Variants in DOCK3 observed in about 807,000 individuals in gnomAD.
DOCK3 encodes dedicator of cytokinesis 3, also known as dedicator of cytokinesis protein 3.
In DOCK3, 60 loss-of-function variants were observed where a neutral mutation model predicts 265.6. The observed-to-expected ratio is 0.23, with a 90% CI of 0.18 to 0.28. DOCK3 has a LOEUF of 0.28. DOCK3 is among the 10% of genes least tolerant of loss of function. The pLI, the probability that DOCK3 is intolerant of heterozygous loss-of-function variation, is 1.00. For missense variants in DOCK3, 1,981 were observed against 2,594.3 expected, an observed-to-expected ratio of 0.76 and a Z score of 5.14; for synonymous variants, 881 against 938.0, an observed-to-expected ratio of 0.94 and a Z score of 1.11.
At chr3:51,221,767 G>A (rs1377026884) in intron 14 of DOCK3, among the ~76,000 whole-genome samples, 1 of 152,136 alleles carries the variant, frequency 6.6e-6, no homozygotes, top group Non-Finnish European at 1.5e-5. Flanking sequence ...GGAAGCAGAG[G>A]GCACTTAACA....
At chr3:50,822,417 G>A (rs1023490908) in intron 2 of DOCK3, among the ~76,000 whole-genome samples, 1 of 152,054 alleles carries the variant, frequency 6.6e-6, no homozygotes, top group African/African-American at 2.4e-5. Flanking sequence ...CAGAGTCTAG[G>A]ATTTTCTAGG....
chr3:51,270,619 T>C (rs938451412), intron 23 of DOCK3, among the ~76,000 whole-genome samples, 196 bp from the exon 24 acceptor site: 5 of 152,194 alleles, frequency 3.3e-5, no homozygotes, highest in African/African-American at 9.6e-5. Flanking sequence ...CAGTAAATTA[T>C]CTTGTTTTGG....
chr3:51,071,338 G>A (rs2081859505), intron 6 of DOCK3, among the ~76,000 whole-genome samples: 1 of 152,184 alleles, frequency 6.6e-6, no homozygotes, highest in Non-Finnish European at 1.5e-5. Context: ...AGAAGACCAA[G>A]TATTTTTGTG....
At chr3:51,242,639 G>C (rs146536567) in intron 21 of DOCK3, among the ~76,000 whole-genome samples, 1 of 152,154 alleles carries the variant, frequency 6.6e-6, no homozygotes, top group African/African-American at 2.4e-5. Flanking sequence ...CCTGCAAGCA[G>C]AAGTAGTCAC....
At chr3:51,336,831 C>G (rs778860618) in intron 35 of DOCK3, 1 of 454,978 alleles carries the variant, frequency 2.2e-6, no homozygotes, top group African/African-American at 2.0e-5. Context: ...GAAGTTAATC[C>G]GTGGTAAATG....
At chr3:50,846,618 G>A (rs1034132374) in intron 3 of DOCK3, among the ~76,000 whole-genome samples, 1 of 152,164 alleles carries the variant, frequency 6.6e-6, no homozygotes, top group African/African-American at 2.4e-5. Context: ...GAGTTTGGCT[G>A]TGAATCTGTC....
intron 9 of DOCK3, 32 bp from the exon 10 acceptor site, chr3:51,146,517 A>T: frequency 6.4e-7 from 1 of 1,563,668 alleles, no homozygotes. Flanking sequence ...TGTTACTCAC[A>T]TTTCTCTATA....
intron 1 of DOCK3, among the ~76,000 whole-genome samples, chr3:50,680,315 G>A (rs1039205700): frequency 1.3e-5 from 2 of 150,588 alleles, no homozygotes; most frequent in Admixed American, 6.6e-5. Context: ...GGGTTCAAGC[G>A]ATTCTTCTGT....
At chr3:51,356,896 C>G (rs1375339833) in intron 43 of DOCK3, 66 bp from the exon 44 acceptor site, 4 of 1,503,580 alleles carry the variant, frequency 2.7e-6, no homozygotes, top group Non-Finnish European at 3.6e-6. Context: ...TAGACCCCAG[C>G]TCTCAGGAAG....
At chr3:51,223,034 G>A (rs180810505) in intron 14 of DOCK3, among the ~76,000 whole-genome samples, 2 of 152,262 alleles carry the variant, frequency 1.3e-5, no homozygotes, top group East Asian at 3.9e-4. Context: ...AAACTCCGGG[G>A]CTCAAGCGAT....
chr3:50,935,168 C>A (rs755601171), intron 5 of DOCK3, among the ~76,000 whole-genome samples: 47 of 152,306 alleles, frequency 3.1e-4, no homozygotes, highest in East Asian at 2.1e-3. Context: ...CCTGTTCTCT[C>A]TAGCCAAAGG....
intron 5 of DOCK3, among the ~76,000 whole-genome samples, chr3:50,976,931 T>G (rs2077472961): frequency 6.6e-6 from 1 of 150,728 alleles, no homozygotes; most frequent in African/African-American, 2.4e-5. Context: ...CTTTATTGGT[T>G]TAAAGTCTGT....
chr3:51,012,810 C>T (rs2079005812), intron 5 of DOCK3, among the ~76,000 whole-genome samples: 1 of 152,178 alleles, frequency 6.6e-6, no homozygotes, highest in Non-Finnish European at 1.5e-5. Context: ...GGTCTTTTCA[C>T]ATAGTCCCAT....
chr3:51,104,989 A>G (rs1255839743), intron 9 of DOCK3, among the ~76,000 whole-genome samples: 1 of 152,124 alleles, frequency 6.6e-6, no homozygotes, highest in Non-Finnish European at 1.5e-5. Flanking sequence ...GGGTTAGGAA[A>G]AGTTTTCTGG....
intron 10 of DOCK3, among the ~76,000 whole-genome samples, chr3:51,153,101 G>A (rs533841532): frequency 3.3e-5 from 5 of 152,352 alleles, no homozygotes; most frequent in South Asian, 2.1e-4. Context: ...TGCCCTGCCC[G>A]CCTAGGTGGG....
intron 5 of DOCK3, among the ~76,000 whole-genome samples, chr3:51,054,110 C>G (rs2081108609): frequency 7.5e-6 from 1 of 133,582 alleles, no homozygotes; most frequent in Non-Finnish European, 1.6e-5. Context: ...AGCACTTTCC[C>G]CGTAGCTTCC....
At chr3:50,747,128 A>G (rs1168296705) in intron 1 of DOCK3, among the ~76,000 whole-genome samples, 3 of 151,950 alleles carry the variant, frequency 2.0e-5, no homozygotes, top group Non-Finnish European at 4.4e-5. Context: ...GCATGGATTT[A>G]TTTTTGGACT....
chr3:51,355,122 T>C, intron 41 of DOCK3, 99 bp downstream of exon 41: 1 of 1,466,310 alleles, frequency 6.8e-7, no homozygotes, highest in Admixed American at 2.2e-5. Context: ...ACCATACAGG[T>C]TTAGATATCC....
intron 12 of DOCK3, among the ~76,000 whole-genome samples, chr3:51,170,719 C>A (rs956518957): frequency 1.1e-4 from 16 of 152,104 alleles, no homozygotes; most frequent in African/African-American, 3.6e-4. Context: ...CGAAGGCGGG[C>A]GGATCATGAG....
Sources: allele counts gnomAD v4.1 joint callset (sites outside exome capture counted in the v4.1 genomes callset), GRCh38; gene constraint gnomAD v4.1.1; transcripts MANE v1.5; gene names NCBI Gene and HGNC (gene_info 2026-07-23, HGNC 2026-07-21).